The following PDZD2 variants were observed in gnomAD, a reference collection of about 807,000 sequenced individuals.
PDZD2 encodes the protein PDZ domain containing 2.
PDZD2 carries 90 observed loss-of-function variants against 220.7 expected under a neutral mutation model. The observed-to-expected ratio is 0.41, with a 90% confidence interval of 0.34 to 0.49. The LOEUF (loss-of-function observed/expected upper bound fraction) is 0.49. Ranked by LOEUF, PDZD2 falls within the 20% of genes least tolerant of loss-of-function variation. The probability of loss-of-function intolerance (pLI) is 0.28; values close to 1 mark genes in which losing one functional copy is unlikely to be tolerated. For synonymous variants in PDZD2, 1,375 were observed against 1,450.5 expected (o/e 0.95, Z 1.18); for missense variants, 3,174 against 3,608.5 (o/e 0.88, Z 3.08).
At chr5:31,947,041 C>T (rs1306402054) in intron 2 of PDZD2, among the ~76,000 whole-genome samples, 1 of 152,140 alleles carries the variant, frequency 6.6e-6, no homozygotes, top group East Asian at 1.9e-4. Context: ...TGGAAACCAC[C>T]ACTGTAGACC....
intron 1 of PDZD2, among the ~76,000 whole-genome samples, chr5:31,662,893 G>A (rs537257108): frequency 2.0e-5 from 3 of 152,354 alleles, no homozygotes; most frequent in Admixed American, 2.0e-4. Context: ...GCCTCCCAAA[G>A]TGCTGGGATT....
At chr5:31,742,291 C>G (rs1362821805) in intron 1 of PDZD2, 1 of 151,994 alleles carries the variant, frequency 6.6e-6, no homozygotes, top group African/African-American at 2.4e-5. Flanking sequence ...AGCACGTGGG[C>G]TGAGCTTGAT....
intron 2 of PDZD2, among the ~76,000 whole-genome samples, chr5:31,902,330 G>C (rs1742175069): frequency 6.6e-6 from 1 of 152,042 alleles, no homozygotes; most frequent in Non-Finnish European, 1.5e-5. Context: ...GCGTTTCCCT[G>C]ATGACTAATG....
intron 2 of PDZD2, among the ~76,000 whole-genome samples, chr5:31,940,956 C>T (rs1391868395): frequency 6.6e-6 from 1 of 151,780 alleles, no homozygotes; most frequent in Non-Finnish European, 1.5e-5. Context: ...CCCATGCCCC[C>T]CCACCAAAAA....
rs200358444 is a variant in PDZD2, at chr5:32,060,994, C to T, written c.2319-8C>T. 1.2e-4 allele frequency: 200 copies of T among 1,614,060 alleles called. 1 individual carries two copies. In the African/African-American group the frequency reaches 2.2e-3, roughly 18 times the overall value. ...AACACAGAGTGTGGATTCTGTTGCC[C>T]TCCCTAGCCGCGGGGATCAAATCCT... is the stretch of plus-strand genomic sequence containing the variant. On this transcript the variant is annotated splice_polypyrimidine_tract_variant and splice_region_variant and intron_variant, in intron 13 of 24. Coordinates refer to ENST00000438447, the MANE Select transcript of PDZD2 (RefSeq NM_178140.4).
At chr5:31,778,359 T>G (rs997007002) in intron 1 of PDZD2, among the ~76,000 whole-genome samples, 1 of 152,128 alleles carries the variant, frequency 6.6e-6, no homozygotes, top group Non-Finnish European at 1.5e-5. Context: ...GTTCTTTCGC[T>G]CTTTGTAATA....
rs193105236 is a variant in PDZD2, at chr5:31,971,408, C to T, written c.477-11747C>T. On this transcript the variant is annotated intron_variant, in intron 2 of 24. Coordinates refer to ENST00000438447, the MANE Select transcript of PDZD2 (RefSeq NM_178140.4). ...TAATCCCATTCACGAGGCCTCTGGC[C>T]CCATGATATAATTACATCCTAAATG... 1.9e-3 allele frequency among the ~76,000 whole-genome samples: 284 copies of T among 152,260 alleles called. 2 individuals carry two copies. The highest frequency in any genetic ancestry group is 3.2e-3 in the Non-Finnish European group (218 of 68,024).
intron 2 of PDZD2, among the ~76,000 whole-genome samples, chr5:31,819,656 C>CAAAAAAA (rs3032832): frequency 5.4e-5 from 6 of 110,474 alleles, no homozygotes; most frequent in Non-Finnish European, 1.1e-4. Context: ...GACTCTGTCT[C>CAAAAAAA]AAAAAAAAAA....
intron 3 of PDZD2, among the ~76,000 whole-genome samples, chr5:31,988,472 G>A (rs1424716640): frequency 7.1e-6 from 1 of 140,656 alleles, no homozygotes; most frequent in Non-Finnish European, 1.5e-5. Flanking sequence ...CTGGCATGTG[G>A]ATGTATTCAC....
chr5:31,861,814 G>A (rs907654619), intron 2 of PDZD2, among the ~76,000 whole-genome samples: 3 of 152,144 alleles, frequency 2.0e-5, no homozygotes, highest in East Asian at 1.9e-4. Flanking sequence ...AACAAGCTCC[G>A]GAAGTGCTTG....
intron 6 of PDZD2, among the ~76,000 whole-genome samples, chr5:32,015,119 T>C (rs1365322892): frequency 1.3e-5 from 2 of 150,678 alleles, no homozygotes; most frequent in Non-Finnish European, 3.0e-5. Context: ...TTTTTGTATT[T>C]TTAGTAGAGA....
At chr5:31,835,444 C>A (rs1044982126) in intron 2 of PDZD2, among the ~76,000 whole-genome samples, 2 of 3,798 alleles carry the variant, frequency 5.3e-4, no homozygotes, top group African/African-American at 1.2e-3. Flanking sequence ...CATGATGAAA[C>A]CTGTCTTTAC....
intron 23 of PDZD2, chr5:32,100,725 A>G (rs1354413841): frequency 4.8e-6 from 2 of 413,906 alleles, no homozygotes; most frequent in Non-Finnish European, 9.3e-6. Context: ...GGGTTGGCAG[A>G]AAATCAAATT....
At chr5:31,729,872 G>A (rs1486306798) in intron 1 of PDZD2, among the ~76,000 whole-genome samples, 1 of 152,160 alleles carries the variant, frequency 6.6e-6, no homozygotes, top group African/African-American at 2.4e-5. Flanking sequence ...CTGTCACCCA[G>A]GCTGGAGGGC....
Position 32,090,090 on chromosome 5 carries a change from C to T in PDZD2, c.6642C>T (p.Phe2214=), listed in dbSNP as rs200906691. The T allele has an allele frequency of 2.2e-5, 36 of 1,613,726 alleles. No individual in the cohort carries two copies. The highest frequency in any genetic ancestry group is 3.3e-5 in the Admixed American group (2 of 59,998). Reference sequence around the variant, plus strand: ...CCTCGGGGGAGGACCATCTCTACTTCACCCCAAGGCCAGCGACCAGGACCT... The same window carrying T: ...CCTCGGGGGAGGACCATCTCTACTTTACCCCAAGGCCAGCGACCAGGACCT... ...GGPSGEDHLY[F]TPRPATRTYS... Residue 2214 remains phenylalanine, a synonymous_variant, in exon 20 of 25, where the codon TTC becomes TTT. Transcript: ENST00000438447. The surrounding 1 kb of genome is among the most constrained non-coding windows in gnomAD (Gnocchi z 4.3).
intron 1 of PDZD2, among the ~76,000 whole-genome samples, chr5:31,683,875 T>TAATTTTAAATTTAAATTTA (rs1345134873): frequency 1.1e-4 from 16 of 152,320 alleles, no homozygotes; most frequent in African/African-American, 3.4e-4. Context: ...ATTTTAAATT[T>TAATTTTAAATTTAAATTTA]GATACCCAGT....
intron 1 of PDZD2, among the ~76,000 whole-genome samples, chr5:31,640,109 C>CG (rs1250983267): frequency 7.2e-6 from 1 of 139,278 alleles, no homozygotes; most frequent in Non-Finnish European, 1.6e-5. Context: ...CTCGGGTTTG[C>CG]GTTTGTGTTT....
intron 2 of PDZD2, among the ~76,000 whole-genome samples, chr5:31,954,153 C>G (rs928122402): frequency 6.6e-6 from 1 of 151,940 alleles, no homozygotes; most frequent in Admixed American, 6.6e-5. Flanking sequence ...AATGGTTTTG[C>G]GAGTGGTGTG....
chr5:32,058,078 C>A lies in PDZD2; in HGVS notation c.2175C>A (p.Ile725=), dbSNP rs564969845. The A allele has an allele frequency of 1.9e-6, 3 of 1,594,600 alleles. No individual in the cohort carries two copies. The highest frequency in any genetic ancestry group is 1.7e-6 in the Non-Finnish European group (2 of 1,162,322). ...GRKTPGPKDR[I]VMEVTLNKEP... ...AGACCCCTGGGCCCAAGGACAGGAT[C>A]GTCATGGAAGTAACACTCAACAAAG... Residue 725 remains isoleucine, a synonymous_variant, in exon 12 of 25, where the codon ATC becomes ATA. Coordinates refer to ENST00000438447, the MANE Select transcript of PDZD2 (RefSeq NM_178140.4).
Sources: allele counts gnomAD v4.1 joint callset (sites outside exome capture counted in the v4.1 genomes callset), GRCh38; gene constraint gnomAD v4.1.1; non-coding constraint Gnocchi (gnomAD v3.1); transcripts MANE v1.5; gene names NCBI Gene and HGNC (gene_info 2026-07-23, HGNC 2026-07-21).